Variants in MECOM observed in about 807,000 individuals in gnomAD.
The protein encoded by MECOM is histone-lysine N-methyltransferase MECOM.
A neutral mutation model predicts 116.3 loss-of-function variants in MECOM; 13 were observed. The observed-to-expected ratio is 0.11, with a 90% CI of 0.07 to 0.18. MECOM has a LOEUF of 0.18. Among genes scored for constraint, MECOM ranks in the 10% least tolerant of loss-of-function variants. The probability of loss-of-function intolerance (pLI) is 1.00; values close to 1 mark genes in which losing one functional copy is unlikely to be tolerated. For missense variants in MECOM, 1,299 were observed against 1,509.0 expected (o/e 0.86, Z 2.31); for synonymous variants, 528 against 535.2 (o/e 0.99, Z 0.19).
At chr3:169,176,971 T>A (rs899926005) in intron 2 of MECOM, among the ~76,000 whole-genome samples, 1 of 152,176 alleles carries the variant, frequency 6.6e-6, no homozygotes, top group Non-Finnish European at 1.5e-5. Flanking sequence ...AAACAATAGA[T>A]GCTGGTGAGG....
intron 2 of MECOM, among the ~76,000 whole-genome samples, chr3:169,346,357 C>T (rs2149798247): frequency 6.6e-6 from 1 of 152,144 alleles, no homozygotes; most frequent in African/African-American, 2.4e-5. Flanking sequence ...AATGAACCAT[C>T]ATCATACATT....
At chr3:169,142,104 A>G (rs1738277205) in intron 3 of MECOM, among the ~76,000 whole-genome samples, 1 of 151,968 alleles carries the variant, frequency 6.6e-6, no homozygotes, top group Non-Finnish European at 1.5e-5. Context: ...GAAACAGGAA[A>G]ACAGTTTCCC....
At chr3:169,163,384 G>A (rs55848158) in intron 2 of MECOM, among the ~76,000 whole-genome samples, 10,713 of 152,152 alleles carry the variant, frequency 0.07, 485 homozygotes, top group South Asian at 0.19. Context: ...GGTAGGGGCA[G>A]GGCAAGTGGA....
intron 1 of MECOM, among the ~76,000 whole-genome samples, chr3:169,401,991 G>A (rs896952766): frequency 9.2e-5 from 14 of 152,114 alleles, no homozygotes; most frequent in African/African-American, 3.1e-4. Flanking sequence ...AAAAAGAGGA[G>A]AAATTTAAAA....
intron 1 of MECOM, among the ~76,000 whole-genome samples, chr3:169,395,258 A>G (rs1734846612): frequency 6.6e-6 from 1 of 152,168 alleles, no homozygotes. Context: ...GGATCCAGCA[A>G]TGTTTCTAGT....
chr3:169,612,566 T>G (rs1337361848), intron 1 of MECOM, among the ~76,000 whole-genome samples: 2 of 152,248 alleles, frequency 1.3e-5, no homozygotes, highest in East Asian at 3.9e-4. Flanking sequence ...ATCATCCAAA[T>G]GCTGTTTTAT....
chr3:169,300,635 T>TGAG (rs1480338523), intron 2 of MECOM, among the ~76,000 whole-genome samples: 1 of 152,220 alleles, frequency 6.6e-6, no homozygotes, highest in Non-Finnish European at 1.5e-5. Flanking sequence ...CTTCTAAGTG[T>TGAG]TCTCTTCTAA....
chr3:169,320,368 C>A lies in MECOM; in HGVS notation c.375+60819G>T, dbSNP rs144992108. Among the ~76,000 whole-genome samples the A allele has an allele frequency of 6.6e-4, 101 of 152,194 alleles. 1 individual carries two copies. Among genetic ancestry groups the A allele is most frequent in the Admixed American group, 2.7e-3 (41 of 15,288 alleles). On this transcript the variant is annotated intron_variant, in intron 2 of 16. Transcript: ENST00000651503. Reference sequence around the variant, plus strand: ...AGAAAGTCTGGTGATCCTAAGGATACAAAGTGATGTTGAAGACATACAGAG... The same window carrying A: ...AGAAAGTCTGGTGATCCTAAGGATAAAAAGTGATGTTGAAGACATACAGAG...
intron 13 of MECOM, among the ~76,000 whole-genome samples, chr3:169,094,302 C>A (rs1398069955): frequency 6.6e-6 from 1 of 152,132 alleles, no homozygotes; most frequent in Non-Finnish European, 1.5e-5. Context: ...TCTCTCCTCC[C>A]CTACCCCCAA....
intron 1 of MECOM, among the ~76,000 whole-genome samples, chr3:169,421,825 T>A (rs1739804285): frequency 6.6e-6 from 1 of 152,060 alleles, no homozygotes; most frequent in Admixed American, 6.6e-5. Flanking sequence ...AGGTAAGAGG[T>A]GAGAGCCTGA....
intron 2 of MECOM, among the ~76,000 whole-genome samples, chr3:169,310,286 T>G (rs1189907831): frequency 6.6e-6 from 1 of 152,236 alleles, no homozygotes; most frequent in African/African-American, 2.4e-5. Flanking sequence ...GATTCATGTG[T>G]TAGGCCTGAG....
At chr3:169,456,642 T>C (rs963933474) in intron 1 of MECOM, among the ~76,000 whole-genome samples, 1 of 152,122 alleles carries the variant, frequency 6.6e-6, no homozygotes, top group African/African-American at 2.4e-5. Context: ...GTCTGCATTT[T>C]AACAAGCCCA....
intron 1 of MECOM, among the ~76,000 whole-genome samples, chr3:169,506,748 C>A (rs905927126): frequency 1.3e-5 from 2 of 152,128 alleles, no homozygotes; most frequent in African/African-American, 4.8e-5. Flanking sequence ...TATACTTACC[C>A]CAGGGTGAGG....
At chr3:169,429,338 C>A (rs1412109343) in intron 1 of MECOM, among the ~76,000 whole-genome samples, 2 of 152,046 alleles carry the variant, frequency 1.3e-5, no homozygotes, top group African/African-American at 4.8e-5. Context: ...AGAAGATTCA[C>A]TTTTTTAATT....
chr3:169,580,372 T>A (rs1764994127), intron 1 of MECOM, among the ~76,000 whole-genome samples: 1 of 152,214 alleles, frequency 6.6e-6, no homozygotes, highest in South Asian at 2.1e-4. Flanking sequence ...GTACTGCTAC[T>A]GCCACATCAC....
At chr3:169,442,250 G>A (rs557333057) in intron 1 of MECOM, among the ~76,000 whole-genome samples, 4 of 151,830 alleles carry the variant, frequency 2.6e-5, no homozygotes, top group East Asian at 1.9e-4. Flanking sequence ...TAGTAGAGAC[G>A]GGGTTTCACC....
rs1472780460 is a variant in MECOM at position 169,417,651 on chromosome 3, A to G, written c.38-36127T>C. 2.0e-5 allele frequency among the ~76,000 whole-genome samples: 3 copies of G among 151,606 alleles called. No homozygotes were observed. The Admixed American group carries it at 2.0e-4, about 10-fold the overall frequency. ...ATAAATCATGCTGCTATAAAGACAC[A>G]TGCACACGTATGTTTATTGCGGCAC... On this transcript the variant is annotated intron_variant, in intron 1 of 16. Transcript: ENST00000651503.
At chr3:169,183,269 T>C (rs1746221978) in intron 2 of MECOM, among the ~76,000 whole-genome samples, 1 of 152,190 alleles carries the variant, frequency 6.6e-6, no homozygotes, top group South Asian at 2.1e-4. Flanking sequence ...AATGCACTCA[T>C]TGCCATAGGG....
intron 2 of MECOM, among the ~76,000 whole-genome samples, chr3:169,218,190 A>C (rs1311535009): frequency 1.3e-5 from 2 of 152,180 alleles, no homozygotes. Flanking sequence ...AGAAGTCTAC[A>C]AATTCTGAAA....
Sources: allele counts gnomAD v4.1 joint callset (sites outside exome capture counted in the v4.1 genomes callset), GRCh38; gene constraint gnomAD v4.1.1; transcripts MANE v1.5; gene names NCBI Gene and HGNC (gene_info 2026-07-23, HGNC 2026-07-21).